The following LRRC8B variants were observed in gnomAD, a reference collection of about 807,000 sequenced individuals.
LRRC8B encodes volume-regulated anion channel subunit LRRC8B.
LRRC8B carries 23 observed loss-of-function variants against 58.8 expected under a neutral mutation model. That is an observed-to-expected ratio of 0.39 (90% CI 0.28 to 0.55). LRRC8B has a LOEUF of 0.55. Ranked by LOEUF, LRRC8B falls within the 20% of genes least tolerant of loss-of-function variation. The pLI, the probability that LRRC8B is intolerant of heterozygous loss-of-function variation, is 0.62. For missense variants in LRRC8B, 694 were observed against 936.0 expected, an observed-to-expected ratio of 0.74 and a Z score of 3.37; for synonymous variants, 359 against 374.1, an observed-to-expected ratio of 0.96 and a Z score of 0.47.
rs1031122593 is a variant in LRRC8B, at chr1:89,597,126, T to G, written c.*4083T>G. The G allele has an allele frequency of 1.3e-5, 2 of 152,208 alleles. No individual in the cohort carries two copies. The highest frequency in any genetic ancestry group is 4.8e-5 in the African/African-American group (2 of 41,464). 9.4% of individuals were successfully genotyped at this position (152,208 alleles called of 1,614,324 possible). On this transcript the variant is annotated 3_prime_UTR_variant, in exon 6 of 6. Transcript: ENST00000330947. Reference sequence around the variant, plus strand: ...GCTGAAGCAGTGAAAACCTGCAGTCTTATTTCACTGGTTTCCTTCTGTTTC... The same window carrying G: ...GCTGAAGCAGTGAAAACCTGCAGTCGTATTTCACTGGTTTCCTTCTGTTTC...
chr1:89,568,266 G>T lies in LRRC8B; in HGVS notation c.-221G>T, dbSNP rs1653184223. 6.6e-6 allele frequency: 1 copy of T among 152,126 alleles called. No homozygotes were observed. Among genetic ancestry groups the T allele is most frequent in the Non-Finnish European group, 1.5e-5 (1 of 67,976 alleles). 9.4% of individuals were successfully genotyped at this position (152,126 alleles called of 1,614,324 possible). ...CCCTAGGTAATAGTTAACCTCTTCT[G>T]TGAGAAGTCAGAAGGTGATCTCTTT... On this transcript the variant is annotated 5_prime_UTR_variant, in exon 2 of 6. Transcript: ENST00000330947.
intron 1 of LRRC8B, among the ~76,000 whole-genome samples, chr1:89,525,858 T>TCAAA (rs958438549): frequency 1.3e-5 from 2 of 152,030 alleles, no homozygotes; most frequent in South Asian, 2.1e-4. Context: ...CCTAAAGACT[T>TCAAA]CAAACAAACA....
chr1:89,553,849 C>G (rs766595192), intron 1 of LRRC8B, among the ~76,000 whole-genome samples: 1 of 152,106 alleles, frequency 6.6e-6, no homozygotes, highest in Admixed American at 6.6e-5. Flanking sequence ...TGAACTCTCT[C>G]CAATGAATTC....
chr1:89,540,352 C>G (rs1650864790), intron 1 of LRRC8B, among the ~76,000 whole-genome samples: 1 of 152,170 alleles, frequency 6.6e-6, no homozygotes, highest in Non-Finnish European at 1.5e-5. Context: ...ATTCTTGTTT[C>G]TTTGCCTATG....
At chr1:89,527,565 A>G (rs556754557) in intron 1 of LRRC8B, among the ~76,000 whole-genome samples, 3 of 152,354 alleles carry the variant, frequency 2.0e-5, no homozygotes, top group East Asian at 3.9e-4. Context: ...TTATTTAACC[A>G]TTTGTAAAAT....
chr1:89,549,593 C>T (rs543275789), intron 1 of LRRC8B, among the ~76,000 whole-genome samples: 11 of 152,230 alleles, frequency 7.2e-5, no homozygotes, highest in Non-Finnish European at 1.5e-4. Flanking sequence ...GTTGGACAAT[C>T]AAGTAGAAGT....
intron 1 of LRRC8B, among the ~76,000 whole-genome samples, chr1:89,528,477 C>G (rs1453964112): frequency 2.0e-5 from 3 of 152,208 alleles, no homozygotes; most frequent in African/African-American, 7.2e-5. Flanking sequence ...AAGAGTTCTT[C>G]AAGGTTTTAC....
chr1:89,538,402 A>G (rs1269589648), intron 1 of LRRC8B, among the ~76,000 whole-genome samples: 9 of 152,170 alleles, frequency 5.9e-5, no homozygotes, highest in African/African-American at 2.2e-4. Context: ...TAGACAGGAG[A>G]GAATGTTCCT....
intron 4 of LRRC8B, among the ~76,000 whole-genome samples, chr1:89,580,692 G>C (rs138591084): frequency 1.2e-3 from 189 of 152,290 alleles, no homozygotes; most frequent in African/African-American, 4.1e-3. Flanking sequence ...AAACTGGAGT[G>C]AAGGAGAGAA....
chr1:89,529,840 C>T (rs1178129805), intron 1 of LRRC8B, among the ~76,000 whole-genome samples: 1 of 151,962 alleles, frequency 6.6e-6, no homozygotes, highest in Non-Finnish European at 1.5e-5. Context: ...TAAACCTTAC[C>T]ACCATTTAAT....
rs1472282374 is a variant in LRRC8B, at chr1:89,568,308, G to A, written c.-180+1G>A. 6.6e-6 allele frequency: 1 copy of A among 152,038 alleles called. No individual in the cohort carries two copies. The highest frequency in any genetic ancestry group is 1.9e-4 in the East Asian group (1 of 5,196). 9.4% of individuals were successfully genotyped at this position (152,038 alleles called of 1,614,324 possible). A position where few individuals can be genotyped will look rare whatever the true frequency, so the allele number is the denominator to read the frequency against. On this transcript the variant is annotated splice_donor_variant, in intron 2 of 5. Coordinates refer to ENST00000330947, the MANE Select transcript of LRRC8B (RefSeq NM_001369817.2). LOFTEE classifies it low-confidence loss of function (5UTR_SPLICE). Reference sequence around the variant, plus strand: ...GATCTCTTTAATGCTTTCTTTTTAAGTAAGTTATCTTTTGTATGTTTCATA... The same window carrying A: ...GATCTCTTTAATGCTTTCTTTTTAAATAAGTTATCTTTTGTATGTTTCATA...
intron 1 of LRRC8B, among the ~76,000 whole-genome samples, chr1:89,544,553 T>C (rs1651260293): frequency 6.6e-6 from 1 of 152,218 alleles, no homozygotes; most frequent in South Asian, 2.1e-4. Context: ...ATTTAAGCCT[T>C]TTCTCCAATG....
chr1:89,558,678 A>G (rs554491863), intron 1 of LRRC8B: 4 of 152,308 alleles, frequency 2.6e-5, no homozygotes, highest in Non-Finnish European at 5.9e-5. Flanking sequence ...AAAACTGGGT[A>G]ATTTATAAGT....
In LRRC8B at chr1:89,533,737, G is replaced by T. The variant is rs359928; in HGVS notation, c.-241+8715G>T. On this transcript the variant is annotated intron_variant, in intron 1 of 5. Coordinates refer to ENST00000330947, the MANE Select transcript of LRRC8B (RefSeq NM_001369817.2). Reference sequence around the variant, plus strand: ...TCCTGGGATTCCTGGGCCAGACTTCGTACATGGCATACCGTGGGCATGCAG... The same window carrying T: ...TCCTGGGATTCCTGGGCCAGACTTCTTACATGGCATACCGTGGGCATGCAG... Among the ~76,000 whole-genome samples the T allele has an allele frequency of 1.6e-4, 25 of 152,172 alleles. No homozygotes were observed. The South Asian group carries it at 5.0e-3, about 30-fold the overall frequency.
intron 5 of LRRC8B, among the ~76,000 whole-genome samples, chr1:89,587,052 T>A (rs2101083675): frequency 6.6e-6 from 1 of 152,300 alleles, no homozygotes; most frequent in South Asian, 2.1e-4. Context: ...TGTTAGAACT[T>A]AGGGCAAGCG....
intron 1 of LRRC8B, among the ~76,000 whole-genome samples, chr1:89,554,034 C>T (rs1050065829): frequency 3.3e-5 from 5 of 152,148 alleles, no homozygotes; most frequent in African/African-American, 1.2e-4. Context: ...TATTTACCCC[C>T]TAAAGCAATA....
chr1:89,549,443 G>C (rs1651649662), intron 1 of LRRC8B, among the ~76,000 whole-genome samples: 2 of 152,294 alleles, frequency 1.3e-5, no homozygotes, highest in East Asian at 3.9e-4. Context: ...ACACTGAAGT[G>C]AAATGAAAAA....
chr1:89,559,575 A>G (rs998433435), intron 1 of LRRC8B, among the ~76,000 whole-genome samples: 1 of 150,326 alleles, frequency 6.7e-6, no homozygotes, highest in Non-Finnish European at 1.5e-5. Flanking sequence ...CACTGCACTC[A>G]GCTAAATGAC....
chr1:89,560,452 T>G (rs1232252756), intron 1 of LRRC8B, among the ~76,000 whole-genome samples: 1 of 151,654 alleles, frequency 6.6e-6, no homozygotes, highest in South Asian at 2.1e-4. Flanking sequence ...TAGTTACATA[T>G]GTATACATGT....
Sources: gnomAD v4.1 joint callset for allele counts (sites outside exome capture counted in the v4.1 genomes callset) on GRCh38, gnomAD v4.1.1 for gene constraint, MANE v1.5 for transcripts, NCBI Gene and HGNC (gene_info 2026-07-23, HGNC 2026-07-21) for gene names.